The following PTPRK variants were observed in gnomAD, a reference collection of about 807,000 sequenced individuals.
PTPRK encodes receptor-type tyrosine-protein phosphatase kappa.
Under a neutral mutation model 178.0 loss-of-function variants are expected in PTPRK, and 75 were observed. That is an observed-to-expected ratio of 0.42 (90% confidence interval 0.35 to 0.51). The LOEUF is 0.51. Among genes scored for constraint, PTPRK ranks in the 20% least tolerant of loss-of-function variants. The pLI, the probability that PTPRK is intolerant of heterozygous loss-of-function variation, is 0.02. For missense variants in PTPRK, 1,441 were observed against 1,797.8 expected, an observed-to-expected ratio of 0.80 and a Z score of 3.59; for synonymous variants, 637 against 620.6, an observed-to-expected ratio of 1.03 and a Z score of -0.39.
intron 21 of PTPRK, among the ~76,000 whole-genome samples, chr6:127,986,493 A>T (rs768671908): frequency 6.6e-6 from 1 of 152,186 alleles, no homozygotes; most frequent in Non-Finnish European, 1.5e-5. Flanking sequence ...AAAATGAAAG[A>T]AGTGAAGCAT....
At chr6:128,003,174 A>G in intron 15 of PTPRK, 1 of 1,589,644 alleles carries the variant, frequency 6.3e-7, no homozygotes, top group Non-Finnish European at 8.6e-7. Flanking sequence ...CAATGAAAAG[A>G]TGATAAAGAT....
At chr6:128,046,181 C>T (rs1196320738) in intron 13 of PTPRK, among the ~76,000 whole-genome samples, 1 of 152,114 alleles carries the variant, frequency 6.6e-6, no homozygotes, top group Non-Finnish European at 1.5e-5. Flanking sequence ...AGGCTATAGT[C>T]TATTACTCTA....
intron 5 of PTPRK, among the ~76,000 whole-genome samples, chr6:128,238,644 A>G (rs1325062527): frequency 6.6e-6 from 1 of 152,168 alleles, no homozygotes; most frequent in Non-Finnish European, 1.5e-5. Context: ...TTTTTAAACT[A>G]TTATTTAGGC....
chr6:128,280,096 C>T (rs927046028), intron 3 of PTPRK, among the ~76,000 whole-genome samples: 4 of 152,174 alleles, frequency 2.6e-5, no homozygotes, highest in Non-Finnish European at 5.9e-5. Context: ...TTAACCTCTT[C>T]CCCATCTCCT....
At chr6:128,073,992 G>T (rs1783309216) in intron 11 of PTPRK, among the ~76,000 whole-genome samples, 1 of 151,994 alleles carries the variant, frequency 6.6e-6, no homozygotes, top group Non-Finnish European at 1.5e-5. Context: ...GCAGGTGGAT[G>T]AGGATAGCCC....
At position 128,009,245 on chromosome 6, in the gene PTPRK, C is replaced by A; in HGVS notation, c.2218G>T (p.Val740Leu). The A allele has an allele frequency of 6.2e-7, 1 of 1,607,282 alleles. No homozygotes were observed. The highest frequency in any genetic ancestry group is 8.5e-7 in the Non-Finnish European group (1 of 1,176,266). ...GTCTGCTTGGCGGGATCTGGGATCA[C>A]TTCTGGTTCTTCTGTTGCTGCTGCT... ...TKAAATEEPE[V>L]IPDPAKQTDR... Residue 740 changes from valine (V) to leucine (L), a missense_variant, in exon 14 of 30, where the codon GTG becomes TTG. This residue lies in a region of PTPRK where 945 missense variants were observed against 1,080.6 expected (regional missense o/e 0.87). Coordinates refer to ENST00000368226, the MANE Select transcript of PTPRK (RefSeq NM_002844.4).
intron 7 of PTPRK, among the ~76,000 whole-genome samples, chr6:128,136,862 G>C (rs1043109704): frequency 2.0e-5 from 3 of 152,136 alleles, no homozygotes; most frequent in Admixed American, 1.3e-4. Flanking sequence ...TGGATGGCTA[G>C]TCCACGTACA....
At chr6:128,254,659 T>A (rs1421102411) in intron 3 of PTPRK, among the ~76,000 whole-genome samples, 7 of 152,148 alleles carry the variant, frequency 4.6e-5, no homozygotes, top group Admixed American at 4.6e-4. Context: ...ATGAAGTCTG[T>A]AAGACTTTAA....
At chr6:128,220,776 T>G (rs1367564867) in intron 5 of PTPRK, among the ~76,000 whole-genome samples, 4 of 152,210 alleles carry the variant, frequency 2.6e-5, no homozygotes, top group Non-Finnish European at 1.5e-5. Flanking sequence ...ATAAATAAAC[T>G]GAATTTTATT....
intron 5 of PTPRK, among the ~76,000 whole-genome samples, chr6:128,229,224 G>A (rs1339236808): frequency 6.6e-6 from 1 of 152,136 alleles, no homozygotes; most frequent in Non-Finnish European, 1.5e-5. Flanking sequence ...TGACAATGGA[G>A]CTTTAGTACA....
chr6:128,060,426 T>C (rs1028016274), intron 13 of PTPRK, among the ~76,000 whole-genome samples: 1 of 152,152 alleles, frequency 6.6e-6, no homozygotes, highest in Non-Finnish European at 1.5e-5. Flanking sequence ...CATTATAATG[T>C]CCTGTATCCC....
intron 1 of PTPRK, among the ~76,000 whole-genome samples, chr6:128,495,512 T>G (rs1219723407): frequency 6.7e-6 from 1 of 150,338 alleles, no homozygotes; most frequent in Non-Finnish European, 1.5e-5. Context: ...TCAGGCAGCA[T>G]CTCTCATCCT....
At chr6:128,029,801 A>G (rs1432719188) in intron 13 of PTPRK, among the ~76,000 whole-genome samples, 3 of 152,132 alleles carry the variant, frequency 2.0e-5, no homozygotes, top group Non-Finnish European at 2.9e-5. Flanking sequence ...ATCATGATCC[A>G]GATGTGCTGG....
At chr6:128,135,045 A>G (rs1045708029) in intron 7 of PTPRK, among the ~76,000 whole-genome samples, 9 of 149,730 alleles carry the variant, frequency 6.0e-5, no homozygotes, top group Non-Finnish European at 1.2e-4. Context: ...AGCTTTCACA[A>G]TCTTGTGAAC....
chr6:128,068,689 A>T (rs1782270763), intron 11 of PTPRK, among the ~76,000 whole-genome samples: 1 of 151,364 alleles, frequency 6.6e-6, no homozygotes, highest in African/African-American at 2.4e-5. Flanking sequence ...TTACGTTAAA[A>T]TTTTTTCAGG....
At position 127,983,389 on chromosome 6, in the gene PTPRK, T is replaced by C; in HGVS notation, c.3252-12A>G. 6.2e-7 allele frequency: 1 copy of C among 1,610,900 alleles called. No individual in the cohort carries two copies. Among genetic ancestry groups the C allele is most frequent in the Non-Finnish European group, 8.5e-7 (1 of 1,178,578 alleles). On this transcript the variant is annotated splice_polypyrimidine_tract_variant and intron_variant, in intron 22 of 29. Coordinates refer to ENST00000368226, the MANE Select transcript of PTPRK (RefSeq NM_002844.4). ...GTCCAGCACCAGCACTGAAAAACAA[T>C]TAAATTTAATGAATTGTAAGAAGCA... is the stretch of plus-strand genomic sequence containing the variant.
intron 15 of PTPRK, among the ~76,000 whole-genome samples, chr6:128,003,608 C>T (rs767336432): frequency 9.9e-5 from 15 of 151,560 alleles, no homozygotes; most frequent in Non-Finnish European, 2.2e-4. Flanking sequence ...AGATTTAATC[C>T]TTTCTCTAAG....
intron 6 of PTPRK, among the ~76,000 whole-genome samples, chr6:128,210,745 C>CA (rs1807994341): frequency 6.6e-6 from 1 of 152,046 alleles, no homozygotes; most frequent in African/African-American, 2.4e-5. Flanking sequence ...GAGGAGGTAG[C>CA]ATGGCAACAT....
chr6:128,076,429 C>G (rs929231013), intron 11 of PTPRK, among the ~76,000 whole-genome samples: 1 of 151,928 alleles, frequency 6.6e-6, no homozygotes, highest in African/African-American at 2.4e-5. Context: ...CTGGCACCCA[C>G]CTGTAGGTGA....
Sources: allele counts gnomAD v4.1 joint callset (sites outside exome capture counted in the v4.1 genomes callset), GRCh38; gene constraint gnomAD v4.1.1; regional missense constraint gnomAD v4.1.1; transcripts MANE v1.5; gene names NCBI Gene and HGNC (gene_info 2026-07-23, HGNC 2026-07-21).